PCDH12: variants seen among roughly 807,000 people sequenced by gnomAD.
The protein encoded by PCDH12 is protocadherin 12, also known as protocadherin-12.
Under a neutral mutation model 70.9 loss-of-function variants are expected in PCDH12, and 45 were observed. The observed-to-expected ratio is 0.63, with a 90% CI of 0.50 to 0.81. The LOEUF (loss-of-function observed/expected upper bound fraction) is 0.81, where lower values mean the gene tolerates loss of function less well. Among genes scored for constraint, PCDH12 ranks in the 40% least tolerant of loss-of-function variants. The pLI, the probability that PCDH12 is intolerant of heterozygous loss-of-function variation, is 0.00. For missense variants in PCDH12, 1,370 were observed against 1,491.7 expected, an observed-to-expected ratio of 0.92 and a Z score of 1.34; for synonymous variants, 567 against 626.0, an observed-to-expected ratio of 0.91 and a Z score of 1.41.
Position 141,945,791 on chromosome 5 carries a change from G to T in PCDH12, c.3145C>A (p.Arg1049=). The change falls in exon 4 of 4, where the codon CGG becomes AGG. Residue 1049 remains arginine, a synonymous_variant. Coordinates refer to ENST00000231484, the MANE Select transcript of PCDH12 (RefSeq NM_016580.4). ...CAGGCCGGGTCAGGGGCGCTCAGCC[G>T]GTCCAGGGCCAGACCTGTGGGGGAA... is the stretch of plus-strand genomic sequence containing the variant. ...LDPSTGLALD[R]LSAPDPAWMA... is the part of the protein sequence containing the mutation. 1 of 1,612,304 alleles carries T rather than the reference G, an allele frequency of 6.2e-7. No individual in the cohort carries two copies. Among genetic ancestry groups the T allele is most frequent in the Non-Finnish European group, 8.5e-7 (1 of 1,179,442 alleles).
In PCDH12 at chr5:141,956,015, A is replaced by G. The variant is rs773781108; in HGVS notation, c.1837T>C (p.Ser613Pro). The G allele has an allele frequency of 1.3e-5, 21 of 1,613,936 alleles. 1 individual carries two copies. Among genetic ancestry groups the G allele is most frequent in the Middle Eastern group, 1.6e-4 (1 of 6,084 alleles). ...TDTPPLATHS[S>P]RPFLLTTIVA... ...ATGGTTGTCAAAAGGAATGGCCGGG[A>G]GCTGTGAGTGGCCAGTGGAGGTGTG... Residue 613 changes from serine (S) to proline (P), a missense_variant, in exon 1 of 4, where the codon TCC (serine) becomes CCC (proline). Transcript: ENST00000231484.
intron 3 of PCDH12, among the ~76,000 whole-genome samples, chr5:141,946,294 G>A (rs1302705721): frequency 6.6e-6 from 1 of 152,144 alleles, no homozygotes; most frequent in Non-Finnish European, 1.5e-5. Context: ...AGGTACTTAC[G>A]TGATGAGCAA....
In PCDH12 at chr5:141,957,069, C is replaced by T. The variant is rs556002724; in HGVS notation, c.783G>A (p.Thr261=). The change falls in exon 1 of 4, where the codon ACG becomes ACA. Residue 261 remains threonine, a synonymous_variant. Coordinates refer to ENST00000231484, the MANE Select transcript of PCDH12 (RefSeq NM_016580.4). This position sits in a 1 kb window ranked among gnomAD's most constrained non-coding sequence, Gnocchi z 4.3. The part of the protein sequence containing the change: ...LEIQEDAAPG[T]LLIKLTATDP... ...CTGTGGCGGTCAGTTTTATGAGAAGCGTACCAGGTGCAGCATCTTCTTGGA... is the reference window on the plus strand; with the variant it reads ...CTGTGGCGGTCAGTTTTATGAGAAGTGTACCAGGTGCAGCATCTTCTTGGA... The T allele has an allele frequency of 1.4e-5, 23 of 1,614,200 alleles. No homozygotes were observed. Among genetic ancestry groups the T allele is most frequent in the South Asian group, 3.3e-5 (3 of 91,084 alleles).
rs1299923027 is a variant in PCDH12 at position 141,957,666 on chromosome 5, A to G, written c.186T>C (p.Ala62=). The G allele has an allele frequency of 2.5e-6, 4 of 1,614,158 alleles. No homozygotes were observed. The highest frequency in any genetic ancestry group is 3.4e-6 in the Non-Finnish European group (4 of 1,180,016). The change falls in exon 1 of 4, where the codon GCT becomes GCC. Residue 62 remains alanine (A), a synonymous_variant. Transcript: ENST00000231484. The surrounding 1 kb of genome is among the most constrained non-coding windows in gnomAD (Gnocchi z 4.3). ...GCTGCAACACCTGGAAGGCAGCCCCAGCTTGCCTCCGCCTCTCCTCCCGGC... is the reference window on the plus strand; with the variant it reads ...GCTGCAACACCTGGAAGGCAGCCCCGGCTTGCCTCCGCCTCTCCTCCCGGC... The part of the protein sequence containing the change: ...ELGREERRRQ[A]GAAFQVLQLP...
rs146023259 is a variant in PCDH12, at chr5:141,945,627, C to G, written c.3309G>C (p.Thr1103=). 3.7e-6 allele frequency: 6 copies of G among 1,614,230 alleles called. No individual in the cohort carries two copies. The highest frequency in any genetic ancestry group is 5.1e-6 in the Non-Finnish European group (6 of 1,180,050). Residue 1103 remains threonine, a synonymous_variant, in exon 4 of 4, where the codon ACG becomes ACC. Coordinates refer to ENST00000231484, the MANE Select transcript of PCDH12 (RefSeq NM_016580.4). Reference sequence around the variant, plus strand: ...CCGAGACAAAGGTGCTGGCCAGCCTCGTGCCTGTTGGGCTCAGCTCTGGTG... The same window carrying G: ...CCGAGACAAAGGTGCTGGCCAGCCTGGTGCCTGTTGGGCTCAGCTCTGGTG... ...AEAPELSPTG[T]RLASTFVSEM... is the part of the protein sequence containing the mutation.
rs753427845 is a variant in PCDH12 at position 141,956,599 on chromosome 5, A to G, written c.1253T>C (p.Leu418Pro). The G allele has an allele frequency of 9.9e-6, 16 of 1,614,194 alleles. No homozygotes were observed. Among genetic ancestry groups the G allele is most frequent in the Non-Finnish European group, 1.4e-5 (16 of 1,180,026 alleles). ...ATATTTGGGCCACTGCTCTCTGTCC[A>G]GTGTGGCATTGGTTAGCAACATGTA... ...NTYMLLTNATLDREQWPKYTL... is the reference protein window; with the variant it reads ...NTYMLLTNATPDREQWPKYTL... The change falls in exon 1 of 4, where the codon CTG (leucine) becomes CCG (proline). Residue 418 changes from leucine to proline, a missense_variant. Coordinates refer to ENST00000231484, the MANE Select transcript of PCDH12 (RefSeq NM_016580.4).
chr5:141,954,887 G>A, intron 1 of PCDH12, 85 bp downstream of exon 1: 1 of 1,488,700 alleles, frequency 6.7e-7, no homozygotes, highest in Non-Finnish European at 9.0e-7. Context: ...AGAAACATGA[G>A]GACTGTGCAG....
chr5:141,951,752 G>T (rs1753087783), intron 1 of PCDH12, among the ~76,000 whole-genome samples, 162 bp from the exon 2 acceptor site: 1 of 152,194 alleles, frequency 6.6e-6, no homozygotes. Context: ...ACAGAGACAG[G>T]GACCTGGGCG....
intron 2 of PCDH12, 70 bp from the exon 3 acceptor site, chr5:141,949,653 A>G: frequency 1.9e-6 from 3 of 1,545,088 alleles, no homozygotes; most frequent in Non-Finnish European, 2.6e-6. Flanking sequence ...ATGCCCATTC[A>G]TGTTTGCATT....
Position 141,957,250 on chromosome 5 carries a change from T to C in PCDH12, c.602A>G (p.Glu201Gly). The change falls in exon 1 of 4, where the codon GAG becomes GGG. Residue 201 changes from glutamate (E) to glycine (G), a missense_variant. Physicochemically the swap from Glu to Gly is moderately conservative, Grantham distance 98 (BLOSUM62 -2). Coordinates refer to ENST00000231484, the MANE Select transcript of PCDH12 (RefSeq NM_016580.4). The surrounding 1 kb of genome is among the most constrained non-coding windows in gnomAD (Gnocchi z 4.3). ...TKHAELIVVKELDREIHSFFD... is the reference protein window; with the variant it reads ...TKHAELIVVKGLDREIHSFFD... Reference sequence around the variant, plus strand: ...AAATGAATGGATTTCCCTGTCCAGCTCCTTCACCACTATGAGTTCTGCATG... The same window carrying C: ...AAATGAATGGATTTCCCTGTCCAGCCCCTTCACCACTATGAGTTCTGCATG... 1 of 1,614,146 alleles carries C rather than the reference T, an allele frequency of 6.2e-7. No individual in the cohort carries two copies. Among genetic ancestry groups the C allele is most frequent in the Middle Eastern group, 1.6e-4 (1 of 6,062 alleles).
intron 1 of PCDH12, among the ~76,000 whole-genome samples, chr5:141,953,843 G>A (rs959830586): frequency 3.9e-5 from 6 of 152,236 alleles, no homozygotes; most frequent in African/African-American, 1.4e-4. Context: ...GAATAGGGAA[G>A]GAAACTGTGT....
chr5:141,954,834 A>G (rs1753146431), intron 1 of PCDH12, 138 bp downstream of exon 1: 1 of 1,174,454 alleles, frequency 8.5e-7, no homozygotes, highest in Non-Finnish European at 1.2e-6. Context: ...GCCCTGAACC[A>G]TTGCTACCCA....
chr5:141,952,304 C>T (rs949180067), intron 1 of PCDH12: 5 of 152,282 alleles, frequency 3.3e-5, no homozygotes, highest in African/African-American at 4.8e-5. Context: ...CAGAGGGCCC[C>T]TAACCCAACT....
chr5:141,949,289 A>G, intron 3 of PCDH12, 143 bp downstream of exon 3: 1 of 1,474,040 alleles, frequency 6.8e-7, no homozygotes, highest in Admixed American at 2.4e-5. Flanking sequence ...CTGAGGCTGC[A>G]AGGGTGCAAG....
rs1230885454 is a variant in PCDH12, at chr5:141,957,298, A to G, written c.554T>C (p.Ile185Thr). 2.5e-6 allele frequency: 4 copies of G among 1,613,388 alleles called. No individual in the cohort carries two copies. The Admixed American group carries it at 5.0e-5, about 20-fold the overall frequency. Reference sequence around the variant, plus strand: ...ATGTTTGGTCTCATCAGGGCCCACAATGACATCCAAGGCAAAGTGCTCACT... The same window carrying G: ...ATGTTTGGTCTCATCAGGGCCCACAGTGACATCCAAGGCAAAGTGCTCACT... Reference protein sequence around the residue: ...SPSEHFALDVIVGPDETKHAE... With the variant: ...SPSEHFALDVTVGPDETKHAE... The change falls in exon 1 of 4, where the codon ATT (isoleucine) becomes ACT (threonine). Residue 185 changes from isoleucine to threonine, a missense_variant. Transcript: ENST00000231484. This position sits in a 1 kb window ranked among gnomAD's most constrained non-coding sequence, Gnocchi z 4.3.
Position 141,955,757 on chromosome 5 carries a change from C to T in PCDH12, c.2095G>A (p.Val699Met). The T allele has an allele frequency of 6.2e-7, 1 of 1,614,064 alleles. No individual in the cohort carries two copies. ...CGGGCTGAGTCCCTCAGGTGGTCCA[C>T]ACTGGTGACAAACATGACCCTCAAC... ...ALLRVMFVTS[V>M]DHLRDSARKP... The change falls in exon 1 of 4, where the codon GTG becomes ATG. Residue 699 changes from valine (V) to methionine (M), a missense_variant. By Grantham distance (21) the Val-to-Met change is conservative (BLOSUM62 1). Coordinates refer to ENST00000231484, the MANE Select transcript of PCDH12 (RefSeq NM_016580.4). The surrounding 1 kb of genome is among the most constrained non-coding windows in gnomAD (Gnocchi z 5.5).
chr5:141,955,408 G>A lies in PCDH12; in HGVS notation c.2444C>T (p.Pro815Leu), dbSNP rs999743295. 2 of 1,613,886 alleles carry A rather than the reference G, an allele frequency of 1.2e-6. No homozygotes were observed. The highest frequency in any genetic ancestry group is 2.7e-5 in the African/African-American group (2 of 74,930). Reference sequence around the variant, plus strand: ...GTACAGGGTCGGGGTGAGGTGGAAGGGGGCCTGCAGGCAGGGGTCCCAGCC... The same window carrying A: ...GTACAGGGTCGGGGTGAGGTGGAAGAGGGCCTGCAGGCAGGGGTCCCAGCC... The part of the protein sequence containing the change: ...EAGWDPCLQA[P>L]FHLTPTLYRT... The change falls in exon 1 of 4, where the codon CCC (proline) becomes CTC (leucine). Residue 815 changes from proline to leucine, a missense_variant. By Grantham distance (98) the Pro-to-Leu change is moderately conservative. Coordinates refer to ENST00000231484, the MANE Select transcript of PCDH12 (RefSeq NM_016580.4). The surrounding 1 kb of genome is among the most constrained non-coding windows in gnomAD (Gnocchi z 5.5).
rs756414503 is a variant in PCDH12 at position 141,945,517 on chromosome 5, G to A, written c.3419C>T (p.Ser1140Leu). ...TAAACTGAGGGTCCTCCCGCAGACC[G>A]AGAGCCGCCGCAGCGCCTCGGAGGC... is the stretch of plus-strand genomic sequence containing the variant. ...EAASEALRRL[S>L]VCGRTLSLDL... Residue 1140 changes from serine (S) to leucine (L), a missense_variant, in exon 4 of 4, where the codon TCG (serine) becomes TTG (leucine). Coordinates refer to ENST00000231484, the MANE Select transcript of PCDH12 (RefSeq NM_016580.4). 8.7e-6 allele frequency: 14 copies of A among 1,613,656 alleles called. No individual in the cohort carries two copies. Among genetic ancestry groups the A allele is most frequent in the Admixed American group, 3.3e-5 (2 of 59,986 alleles).
rs1596646950 is a variant in PCDH12 at position 141,955,938 on chromosome 5, G to A, written c.1914C>T (p.Ile638=). The change falls in exon 1 of 4, where the codon ATC becomes ATT. Residue 638 remains isoleucine, a synonymous_variant. Coordinates refer to ENST00000231484, the MANE Select transcript of PCDH12 (RefSeq NM_016580.4). The surrounding 1 kb of genome is among the most constrained non-coding windows in gnomAD (Gnocchi z 5.5). ...SGANGEPLYS[I]RSGNEAHLFI... is the part of the protein sequence containing the mutation. ...AGAGGTGGGCTTCATTTCCACTGCG[G>A]ATGCTGTAGAGGGGCTCTCCATTTG... is the stretch of plus-strand genomic sequence containing the variant. The A allele has an allele frequency of 1.2e-6, 2 of 1,614,204 alleles. No homozygotes were observed. The highest frequency in any genetic ancestry group is 4.5e-5 in the East Asian group (2 of 44,884).
Sources: allele counts gnomAD v4.1 joint callset (sites outside exome capture counted in the v4.1 genomes callset), GRCh38; gene constraint gnomAD v4.1.1; non-coding constraint Gnocchi (gnomAD v3.1); transcripts MANE v1.5; gene names NCBI Gene and HGNC (gene_info 2026-07-23, HGNC 2026-07-21).